Variants in PTPRR observed in about 807,000 individuals in gnomAD.
The protein encoded by PTPRR is protein tyrosine phosphatase receptor type R.
A neutral mutation model predicts 77.2 loss-of-function variants in PTPRR; 38 were observed. That is an observed-to-expected ratio of 0.49 (90% CI 0.38 to 0.65). The LOEUF (loss-of-function observed/expected upper bound fraction) is 0.65. Among genes scored for constraint, PTPRR ranks in the 30% least tolerant of loss-of-function variants. PTPRR has a pLI of 0.00. For synonymous variants in PTPRR, 299 were observed against 283.1 expected (o/e 1.06, Z -0.57); for missense variants, 744 against 799.2 (o/e 0.93, Z 0.83).
chr12:70,884,741 G>A (rs1018292791), intron 2 of PTPRR, among the ~76,000 whole-genome samples: 6 of 147,522 alleles, frequency 4.1e-5, no homozygotes, highest in African/African-American at 1.0e-4. Context: ...GCGTAGTGGC[G>A]GGCGCCTGTA....
At chr12:70,858,132 G>T (rs906306439) in intron 2 of PTPRR, among the ~76,000 whole-genome samples, 5 of 151,762 alleles carry the variant, frequency 3.3e-5, no homozygotes, top group Admixed American at 1.3e-4. Flanking sequence ...TTGCTCTTTG[G>T]TTCCTCATCA....
chr12:70,858,384 T>C (rs1892689066), intron 2 of PTPRR, among the ~76,000 whole-genome samples: 1 of 152,194 alleles, frequency 6.6e-6, no homozygotes, highest in Admixed American at 6.5e-5. Flanking sequence ...TTTTAAATTG[T>C]CAGGGCATAA....
chr12:70,638,953 C>G lies in PTPRR; in HGVS notation c.*231G>C, dbSNP rs1334729587. ...AGGCTGTGTGATAAACCTATCATAC[C>G]TCCATCATCAAAAAACCTTCAGAAT... is the stretch of plus-strand genomic sequence containing the variant. On this transcript the variant is annotated 3_prime_UTR_variant, in exon 14 of 14. Transcript: ENST00000283228. 1.9e-6 allele frequency: 1 copy of G among 528,870 alleles called. No homozygotes were observed. The highest frequency in any genetic ancestry group is 3.2e-5 in the East Asian group (1 of 31,074). 32.8% of individuals were successfully genotyped at this position (528,870 alleles called of 1,614,324 possible). A position where few individuals can be genotyped will look rare whatever the true frequency, so the allele number is the denominator to read the frequency against.
chr12:70,739,557 A>T (rs1341413034), intron 6 of PTPRR, among the ~76,000 whole-genome samples: 1 of 152,214 alleles, frequency 6.6e-6, no homozygotes, highest in Admixed American at 6.5e-5. Flanking sequence ...ACCAGGGTTT[A>T]CAGGAACCAC....
chr12:70,810,873 C>T (rs1245042229), intron 2 of PTPRR, among the ~76,000 whole-genome samples: 1 of 152,104 alleles, frequency 6.6e-6, no homozygotes, highest in Non-Finnish European at 1.5e-5. Context: ...AAAAGCAAAC[C>T]TAATTGAAAT....
intron 6 of PTPRR, among the ~76,000 whole-genome samples, chr12:70,744,888 C>T (rs758861165): frequency 5.9e-5 from 9 of 152,086 alleles, no homozygotes; most frequent in Non-Finnish European, 8.8e-5. Flanking sequence ...TTTTAAGAAA[C>T]GCCATGGGAA....
intron 2 of PTPRR, among the ~76,000 whole-genome samples, chr12:70,843,105 TTGTC>T (rs1334306813): frequency 2.0e-5 from 3 of 152,162 alleles, no homozygotes; most frequent in Non-Finnish European, 2.9e-5. Context: ...CAAGTGACAA[TTGTC>T]TGTCTTTGTA....
chr12:70,681,975 CTT>C (rs1000653682), intron 10 of PTPRR, among the ~76,000 whole-genome samples: 6 of 147,884 alleles, frequency 4.1e-5, no homozygotes, highest in East Asian at 2.0e-4. Flanking sequence ...GAAGGCCAGA[CTT>C]AGGCGAATTT....
intron 2 of PTPRR, among the ~76,000 whole-genome samples, chr12:70,862,755 A>G (rs552881408): frequency 6.6e-5 from 10 of 152,214 alleles, no homozygotes; most frequent in African/African-American, 2.2e-4. Context: ...ATAAAATAAA[A>G]AAAAGGGAAC....
chr12:70,681,225 G>C (rs1349253520), intron 10 of PTPRR, among the ~76,000 whole-genome samples: 2 of 152,128 alleles, frequency 1.3e-5, no homozygotes, highest in African/African-American at 4.8e-5. Context: ...GAAAAGAGAT[G>C]GTGGCTACTG....
At chr12:70,862,039 A>G (rs948722776) in intron 2 of PTPRR, among the ~76,000 whole-genome samples, 3 of 152,154 alleles carry the variant, frequency 2.0e-5, no homozygotes, top group African/African-American at 7.2e-5. Flanking sequence ...GACCTTTCCC[A>G]CACCAAAGCA....
intron 2 of PTPRR, among the ~76,000 whole-genome samples, chr12:70,775,134 CAT>C (rs1444733775): frequency 3.9e-5 from 6 of 152,166 alleles, no homozygotes; most frequent in African/African-American, 1.4e-4. Flanking sequence ...TACATAATTT[CAT>C]AGAGTTACTA....
chr12:70,821,755 C>G (rs1287407518), intron 2 of PTPRR, among the ~76,000 whole-genome samples: 2 of 152,002 alleles, frequency 1.3e-5, no homozygotes, highest in Non-Finnish European at 2.9e-5. Context: ...AGCTCCGCCT[C>G]CTGGGTTCAC....
At chr12:70,785,363 T>G (rs1420560997) in intron 2 of PTPRR, among the ~76,000 whole-genome samples, 1 of 152,186 alleles carries the variant, frequency 6.6e-6, no homozygotes, top group Non-Finnish European at 1.5e-5. Flanking sequence ...TAATATTACC[T>G]CTTAATTAGT....
At chr12:70,766,531 C>T (rs919431626) in intron 2 of PTPRR, among the ~76,000 whole-genome samples, 19 of 152,128 alleles carry the variant, frequency 1.2e-4, no homozygotes, top group African/African-American at 2.7e-4. Flanking sequence ...ACCAAATCTA[C>T]GTCTGATTGG....
At chr12:70,740,071 A>T (rs991355503) in intron 6 of PTPRR, among the ~76,000 whole-genome samples, 3 of 152,194 alleles carry the variant, frequency 2.0e-5, no homozygotes, top group African/African-American at 7.2e-5. Flanking sequence ...AAAGTATGAT[A>T]ATGAAAGATT....
intron 1 of PTPRR, among the ~76,000 whole-genome samples, chr12:70,914,867 T>C (rs1398767542): frequency 6.6e-6 from 1 of 151,982 alleles, no homozygotes; most frequent in Non-Finnish European, 1.5e-5. Context: ...AACAAAAAGA[T>C]TACTATGGAA....
At chr12:70,865,580 A>G (rs1892830089) in intron 2 of PTPRR, among the ~76,000 whole-genome samples, 1 of 152,202 alleles carries the variant, frequency 6.6e-6, no homozygotes, top group African/African-American at 2.4e-5. Flanking sequence ...CAGCTAACCT[A>G]CAAATCTTAG....
chr12:70,645,043 A>G (rs1398974988), intron 13 of PTPRR, among the ~76,000 whole-genome samples: 1 of 152,204 alleles, frequency 6.6e-6, no homozygotes, highest in Admixed American at 6.5e-5. Context: ...GAGCATATCA[A>G]TGTCTGGCTG....
Sources: allele counts gnomAD v4.1 joint callset (sites outside exome capture counted in the v4.1 genomes callset), GRCh38; gene constraint gnomAD v4.1.1; transcripts MANE v1.5; gene names NCBI Gene and HGNC (gene_info 2026-07-23, HGNC 2026-07-21).